KCTD16: variants seen among roughly 807,000 people sequenced by gnomAD.
KCTD16 encodes potassium channel tetramerization domain containing 16, also known as BTB/POZ domain-containing protein KCTD16.
KCTD16 carries 13 observed loss-of-function variants against 33.2 expected under a neutral mutation model. That is an observed-to-expected ratio of 0.39 (90% CI 0.25 to 0.62). The LOEUF (loss-of-function observed/expected upper bound fraction) is 0.62, where lower values mean the gene tolerates loss of function less well. KCTD16 is among the 20% of genes least tolerant of loss of function. KCTD16 has a pLI of 0.50. For synonymous variants in KCTD16, 197 were observed against 195.3 expected, an observed-to-expected ratio of 1.01 and a Z score of -0.07; for missense variants, 441 against 525.1, an observed-to-expected ratio of 0.84 and a Z score of 1.57.
At chr5:144,319,457 A>G (rs888614477) in intron 3 of KCTD16, among the ~76,000 whole-genome samples, 2 of 152,178 alleles carry the variant, frequency 1.3e-5, no homozygotes, top group African/African-American at 4.8e-5. Flanking sequence ...AAATATTCCA[A>G]CATGTTAAAG....
chr5:144,295,040 G>A (rs757873310), intron 3 of KCTD16, among the ~76,000 whole-genome samples: 1 of 152,168 alleles, frequency 6.6e-6, no homozygotes, highest in Non-Finnish European at 1.5e-5. Flanking sequence ...GTAAACTGCT[G>A]GGGATAGGCA....
intron 2 of KCTD16, among the ~76,000 whole-genome samples, chr5:144,201,399 C>T (rs1194190151): frequency 6.6e-6 from 1 of 152,230 alleles, no homozygotes; most frequent in East Asian, 1.9e-4. Flanking sequence ...AATTTTCATA[C>T]TGGAAAGAGT....
At chr5:144,462,415 C>T (rs953856772) in intron 3 of KCTD16, among the ~76,000 whole-genome samples, 6 of 151,782 alleles carry the variant, frequency 4.0e-5, no homozygotes, top group African/African-American at 1.2e-4. Flanking sequence ...AAAATTTTAC[C>T]GTCTCTTAGG....
At chr5:144,308,832 A>G (rs2126875867) in intron 3 of KCTD16, among the ~76,000 whole-genome samples, 1 of 147,138 alleles carries the variant, frequency 6.8e-6, no homozygotes, top group Non-Finnish European at 1.5e-5. Context: ...ACAAAGTGTG[A>G]TGGCTTCTCC....
At chr5:144,267,727 A>G (rs1422919028) in intron 3 of KCTD16, among the ~76,000 whole-genome samples, 3 of 152,184 alleles carry the variant, frequency 2.0e-5, no homozygotes, top group African/African-American at 7.2e-5. Flanking sequence ...CAAATGAGGT[A>G]CCATTCTTTC....
chr5:144,214,958 A>G (rs183449884), intron 3 of KCTD16, among the ~76,000 whole-genome samples: 10 of 152,196 alleles, frequency 6.6e-5, no homozygotes, highest in African/African-American at 9.6e-5. Context: ...GCATTTTTAA[A>G]AGTTCTTACT....
intron 3 of KCTD16, among the ~76,000 whole-genome samples, chr5:144,307,740 A>G (rs1221758733): frequency 6.6e-6 from 1 of 152,202 alleles, no homozygotes; most frequent in Non-Finnish European, 1.5e-5. Context: ...TTTAATTTTA[A>G]GAATTTATGT....
chr5:144,360,413 C>G (rs1242931006), intron 3 of KCTD16, among the ~76,000 whole-genome samples: 1 of 151,742 alleles, frequency 6.6e-6, no homozygotes, highest in African/African-American at 2.4e-5. Context: ...ATCCATGTCC[C>G]TGCAAAAGAC....
intron 3 of KCTD16, among the ~76,000 whole-genome samples, chr5:144,311,037 C>T: frequency 6.6e-6 from 1 of 152,134 alleles, no homozygotes; most frequent in East Asian, 1.9e-4. Flanking sequence ...CTGACCTTTA[C>T]CACTCAAACC....
At chr5:144,297,997 G>A (rs946870237) in intron 3 of KCTD16, among the ~76,000 whole-genome samples, 8 of 152,220 alleles carry the variant, frequency 5.3e-5, no homozygotes, top group Admixed American at 3.9e-4. Context: ...CTCTGGATTC[G>A]GCAGGGTGTC....
At chr5:144,370,132 A>T (rs539880978) in intron 3 of KCTD16, among the ~76,000 whole-genome samples, 1 of 152,238 alleles carries the variant, frequency 6.6e-6, no homozygotes, top group South Asian at 2.1e-4. Flanking sequence ...AGTTCATCAG[A>T]TCGTTTCCAA....
rs139543410 is a variant in KCTD16, at chr5:144,220,280, A to G, written c.832+12734A>G. Among the ~76,000 whole-genome samples the G allele has an allele frequency of 5.4e-3, 825 of 152,210 alleles. 6 individuals are homozygous for G. Among genetic ancestry groups the G allele is most frequent in the African/African-American group, 0.019 (774 of 41,530 alleles). On this transcript the variant is annotated intron_variant, in intron 3 of 3. Transcript: ENST00000512467. ...TGAAGTAGCCAGTGTTTTCCTAGTG[A>G]TGTCTATTCAGTACCTTGTTTGTTT...
At chr5:144,401,829 T>C (rs914439151) in intron 3 of KCTD16, among the ~76,000 whole-genome samples, 5 of 152,230 alleles carry the variant, frequency 3.3e-5, no homozygotes, top group Non-Finnish European at 7.3e-5. Context: ...TTCATAGATA[T>C]GGAAAGAAGC....
chr5:144,188,610 A>G (rs913444202), intron 2 of KCTD16, among the ~76,000 whole-genome samples: 2 of 152,238 alleles, frequency 1.3e-5, no homozygotes, highest in African/African-American at 2.4e-5. Flanking sequence ...TTCAATGACT[A>G]TAAATCAAAT....
At chr5:144,321,467 A>G (rs1022174350) in intron 3 of KCTD16, among the ~76,000 whole-genome samples, 1 of 152,196 alleles carries the variant, frequency 6.6e-6, no homozygotes, top group East Asian at 1.9e-4. Context: ...AAATTGAGGC[A>G]TGATACAGTG....
intron 3 of KCTD16, among the ~76,000 whole-genome samples, chr5:144,268,850 G>C (rs1755219154): frequency 6.6e-6 from 1 of 151,996 alleles, no homozygotes; most frequent in African/African-American, 2.4e-5. Context: ...GGAAACTCAA[G>C]AAAACAATGT....
At chr5:144,296,846 A>G (rs942918062) in intron 3 of KCTD16, among the ~76,000 whole-genome samples, 2 of 152,240 alleles carry the variant, frequency 1.3e-5, no homozygotes, top group African/African-American at 4.8e-5. Context: ...GTACCTGGGC[A>G]AGAATTCTAG....
At chr5:144,471,185 AAAAC>A (rs1261706308) in intron 3 of KCTD16, among the ~76,000 whole-genome samples, 2 of 152,302 alleles carry the variant, frequency 1.3e-5, no homozygotes, top group East Asian at 1.9e-4. Flanking sequence ...TCTGTCTCAA[AAAAC>A]AAACAAACAA....
chr5:144,237,023 C>T (rs748258048), intron 3 of KCTD16, among the ~76,000 whole-genome samples: 2 of 152,028 alleles, frequency 1.3e-5, no homozygotes, highest in Non-Finnish European at 2.9e-5. Flanking sequence ...GGACAGGTAC[C>T]AGTGATTAGT....
Sources: allele counts gnomAD v4.1 joint callset (sites outside exome capture counted in the v4.1 genomes callset), GRCh38; gene constraint gnomAD v4.1.1; transcripts MANE v1.5; gene names NCBI Gene and HGNC (gene_info 2026-07-23, HGNC 2026-07-21).